Variants in FAM76B observed in about 807,000 individuals in gnomAD.
FAM76B encodes the protein protein FAM76B.
A neutral mutation model predicts 51.8 loss-of-function variants in FAM76B; 16 were observed. The ratio of observed to expected loss-of-function variants is 0.31; its 90% confidence interval spans 0.21 to 0.47. FAM76B has a LOEUF of 0.47. FAM76B is among the 20% of genes least tolerant of loss of function. The probability of loss-of-function intolerance (pLI) is 1.00; values close to 1 mark genes in which losing one functional copy is unlikely to be tolerated. For synonymous variants in FAM76B, 166 were observed against 129.5 expected (o/e 1.28, Z -1.91); for missense variants, 342 against 392.6 (o/e 0.87, Z 1.09).
chr11:95,789,612 C>G lies in FAM76B; in HGVS notation c.-134G>C. The stretch of plus-strand genomic sequence containing the variant: ...CCCTGCCTCGCGCCCACCAGGGCCT[C>G]GCCGCGAGAGCCCAGGGCCCCGCGG... On this transcript the variant is annotated 5_prime_UTR_variant, in exon 1 of 10. Coordinates refer to ENST00000358780, the MANE Select transcript of FAM76B (RefSeq NM_144664.5). 1.5e-6 allele frequency: 1 copy of G among 687,256 alleles called. No homozygotes were observed. Among genetic ancestry groups the G allele is most frequent in the Non-Finnish European group, 2.3e-6 (1 of 436,006 alleles). 42.6% of individuals were successfully genotyped at this position (687,256 alleles called of 1,614,324 possible). A position where few individuals can be genotyped will look rare whatever the true frequency, so the allele number is the denominator to read the frequency against.
intron 8 of FAM76B, among the ~76,000 whole-genome samples, chr11:95,777,745 T>C (rs2120216753): frequency 6.6e-6 from 1 of 151,574 alleles, no homozygotes; most frequent in African/African-American, 2.4e-5. Context: ...TGGCAAAATG[T>C]ATCAAAAATT....
chr11:95,789,492 C>T lies in FAM76B; in HGVS notation c.-14G>A, dbSNP rs747925014. The T allele has an allele frequency of 9.1e-6, 14 of 1,538,912 alleles. No individual in the cohort carries two copies. Among genetic ancestry groups the T allele is most frequent in the Middle Eastern group, 1.8e-4 (1 of 5,582 alleles). ...CGAGGCCGCCATCCTGCTCCTCAGT[C>T]TCCTCCTCCGCCGCCGCCCGCTCCG... On this transcript the variant is annotated 5_prime_UTR_variant, in exon 1 of 10. Transcript: ENST00000358780.
rs929235696 is a variant in FAM76B at position 95,789,596 on chromosome 11, G to T, written c.-118C>A. 1 of 852,370 alleles carries T rather than the reference G, an allele frequency of 1.2e-6. No individual in the cohort carries two copies. The highest frequency in any genetic ancestry group is 1.7e-6 in the Non-Finnish European group (1 of 573,494). The allele number at this position is 852,370 out of a possible 1,614,324, so 52.8% of individuals were successfully genotyped here. On this transcript the variant is annotated 5_prime_UTR_variant, in exon 1 of 10. Transcript: ENST00000358780. The stretch of plus-strand genomic sequence containing the variant: ...CTCCTCCTCCCCCTCCCCCTGCCTC[G>T]CGCCCACCAGGGCCTCGCCGCGAGA...
intron 1 of FAM76B, 46 bp downstream of exon 1, chr11:95,789,346 T>A (rs775227955): frequency 3.2e-6 from 5 of 1,548,014 alleles, no homozygotes; most frequent in Non-Finnish European, 8.8e-7. Context: ...CCCCTCCGGC[T>A]ACGGCCGAGG....
intron 1 of FAM76B, 85 bp from the exon 2 acceptor site, chr11:95,788,648 G>A: frequency 7.2e-7 from 1 of 1,383,124 alleles, no homozygotes; most frequent in Non-Finnish European, 1.0e-6. Flanking sequence ...ACCCAACCTA[G>A]TGAAAGTCTA....
chr11:95,784,819 C>T (rs771864281), intron 4 of FAM76B, among the ~76,000 whole-genome samples: 1 of 152,050 alleles, frequency 6.6e-6, no homozygotes, highest in Non-Finnish European at 1.5e-5. Context: ...GATCTCCTAA[C>T]CTTATGATCC....
chr11:95,787,206 T>C (rs1860645573), intron 3 of FAM76B, among the ~76,000 whole-genome samples: 2 of 152,224 alleles, frequency 1.3e-5, no homozygotes, highest in African/African-American at 4.8e-5. Context: ...TCATAAAATA[T>C]GGTATGTTGA....
intron 8 of FAM76B, among the ~76,000 whole-genome samples, chr11:95,777,072 CTG>C (rs1860044235): frequency 6.6e-6 from 1 of 151,354 alleles, no homozygotes; most frequent in African/African-American, 2.4e-5. Flanking sequence ...ATTCACTACA[CTG>C]TGAGTTGCCT....
chr11:95,781,051 G>A (rs1483336210), intron 5 of FAM76B, among the ~76,000 whole-genome samples: 4 of 150,322 alleles, frequency 2.7e-5, no homozygotes, highest in Non-Finnish European at 1.5e-5. Context: ...GTGAATGAAT[G>A]GAAATCCTAT....
chr11:95,789,389 G>A lies in FAM76B; in HGVS notation c.87+3C>T. ...TCCCGCCCGCCTCCCGGAGCCCACGGACCTTGCAGAGCTGCTGGCCCTGGG... is the reference window on the plus strand; with the variant it reads ...TCCCGCCCGCCTCCCGGAGCCCACGAACCTTGCAGAGCTGCTGGCCCTGGG... On this transcript the variant is annotated splice_donor_region_variant and intron_variant, in intron 1 of 9. Coordinates refer to ENST00000358780, the MANE Select transcript of FAM76B (RefSeq NM_144664.5). 6.3e-7 allele frequency: 1 copy of A among 1,595,264 alleles called. No homozygotes were observed. Among genetic ancestry groups the A allele is most frequent in the Non-Finnish European group, 8.5e-7 (1 of 1,171,426 alleles).
chr11:95,780,023 TA>T, intron 5 of FAM76B, 97 bp from the exon 6 acceptor site: 3 of 1,144,738 alleles, frequency 2.6e-6, no homozygotes, highest in Non-Finnish European at 3.7e-6. Flanking sequence ...TTTATGTTTA[TA>T]ATATTTTCTT....
At chr11:95,772,324 T>C (rs1859803407) in intron 9 of FAM76B, among the ~76,000 whole-genome samples, 1 of 151,192 alleles carries the variant, frequency 6.6e-6, no homozygotes. Flanking sequence ...GCTTGAATTT[T>C]TACAAAGATT....
chr11:95,788,883 CTTTAA>C, intron 1 of FAM76B: 1 of 1,367,282 alleles, frequency 7.3e-7, no homozygotes, highest in Non-Finnish European at 9.6e-7. Flanking sequence ...AGCATCCAGG[CTTTAA>C]TGGGATGGGA....
At chr11:95,777,591 T>C (rs934949838) in intron 8 of FAM76B, among the ~76,000 whole-genome samples, 22 of 151,482 alleles carry the variant, frequency 1.5e-4, no homozygotes, top group African/African-American at 5.3e-4. Flanking sequence ...ATTTAAAAAA[T>C]GCTGTCAATC....
At position 95,783,094 on chromosome 11, in the gene FAM76B, ATGGTGATGATGG is replaced by A. The variant is rs761501460; in HGVS notation, c.522_533del (p.His177_His180del). 1.0e-4 allele frequency: 163 copies of A among 1,613,758 alleles called. No individual in the cohort carries two copies. Among genetic ancestry groups the A allele is most frequent in the Middle Eastern group, 8.3e-4 (5 of 6,054 alleles). On this transcript the variant is annotated inframe_deletion, in exon 5 of 10. Transcript: ENST00000358780. The stretch of plus-strand genomic sequence containing the variant: ...GATGGCTACTGCTGTGACGATGGTG[ATGGTGATGATGG>A]TGGTGATGATGTTTTGGATGATGCT...
Position 95,769,796 on chromosome 11 carries a change from CATAAAA to C in FAM76B, c.*1759_*1764del, listed in dbSNP as rs575327873. 9.4e-4 allele frequency: 142 copies of C among 151,562 alleles called. No homozygotes were observed. The highest frequency in any genetic ancestry group is 3.3e-3 in the African/African-American group (135 of 41,454). The allele number at this position is 151,562 out of a possible 1,614,324, so 9.4% of individuals were successfully genotyped here. Reference sequence around the variant, plus strand: ...TAAGAAAATTATTACATGAAGATCCCATAAAAATAAACTGGTTTAGTTTACAAGATT... The same window carrying C: ...TAAGAAAATTATTACATGAAGATCCCATAAACTGGTTTAGTTTACAAGATT... On this transcript the variant is annotated 3_prime_UTR_variant, in exon 10 of 10. Coordinates refer to ENST00000358780, the MANE Select transcript of FAM76B (RefSeq NM_144664.5).
intron 9 of FAM76B, among the ~76,000 whole-genome samples, 170 bp from the exon 10 acceptor site, chr11:95,771,820 T>A (rs1476339925): frequency 1.3e-5 from 2 of 151,170 alleles, no homozygotes; most frequent in Non-Finnish European, 3.0e-5. Context: ...AGGATGAACA[T>A]GCAGAAGGAA....
chr11:95,772,123 A>G (rs1233327869), intron 9 of FAM76B, among the ~76,000 whole-genome samples: 2 of 151,164 alleles, frequency 1.3e-5, no homozygotes, highest in African/African-American at 2.4e-5. Context: ...TAGAACAAGC[A>G]TAAGAGGTCA....
chr11:95,788,654 G>A (rs1325620620), intron 1 of FAM76B, 91 bp from the exon 2 acceptor site: 22 of 1,356,248 alleles, frequency 1.6e-5, no homozygotes, highest in Non-Finnish European at 2.1e-5. Flanking sequence ...CCTAGTGAAA[G>A]TCTAAAACAT....
Sources: gnomAD v4.1 joint callset for allele counts (sites outside exome capture counted in the v4.1 genomes callset) on GRCh38, gnomAD v4.1.1 for gene constraint, MANE v1.5 for transcripts, NCBI Gene and HGNC (gene_info 2026-07-23, HGNC 2026-07-21) for gene names.